Variants in RAPGEF6 observed in about 807,000 individuals in gnomAD.
The protein encoded by RAPGEF6 is PDZ domain containing guanine nucleotide exchange factor (GEF) 2.
Under a neutral mutation model 171.4 loss-of-function variants are expected in RAPGEF6, and 56 were observed. That is an observed-to-expected ratio of 0.33 (90% CI 0.26 to 0.41). The LOEUF is 0.41. Ranked by LOEUF, RAPGEF6 falls within the 10% of genes least tolerant of loss-of-function variation. The pLI is 1.00. For synonymous variants in RAPGEF6, 692 were observed against 650.1 expected, an observed-to-expected ratio of 1.06 and a Z score of -0.98; for missense variants, 1,674 against 1,921.4, an observed-to-expected ratio of 0.87 and a Z score of 2.41.
At chr5:131,446,027 T>C (rs1265279627) in intron 22 of RAPGEF6, among the ~76,000 whole-genome samples, 1 of 152,182 alleles carries the variant, frequency 6.6e-6, no homozygotes, top group African/African-American at 2.4e-5. Flanking sequence ...AGATTACTAA[T>C]ATTGGAATGT....
intron 4 of RAPGEF6, among the ~76,000 whole-genome samples, chr5:131,579,082 G>A (rs1427898121): frequency 6.6e-6 from 1 of 152,112 alleles, no homozygotes; most frequent in Non-Finnish European, 1.5e-5. Flanking sequence ...TGGCGGGTTC[G>A]TGGTCTCGCT....
At chr5:131,522,184 T>A (rs1435902650) in intron 6 of RAPGEF6, among the ~76,000 whole-genome samples, 1 of 152,094 alleles carries the variant, frequency 6.6e-6, no homozygotes, top group Non-Finnish European at 1.5e-5. Flanking sequence ...AAAAAGTAAA[T>A]GACTCCACCA....
chr5:131,524,596 G>A (rs1489802065), intron 6 of RAPGEF6, among the ~76,000 whole-genome samples: 2 of 108,006 alleles, frequency 1.9e-5, no homozygotes, highest in African/African-American at 6.8e-5. Context: ...AGAGGGAGGG[G>A]GGAGAGAGAG....
intron 15 of RAPGEF6, among the ~76,000 whole-genome samples, chr5:131,481,306 G>T (rs1203198143): frequency 6.6e-6 from 1 of 151,762 alleles, no homozygotes; most frequent in Non-Finnish European, 1.5e-5. Flanking sequence ...GCTCACTGCA[G>T]CCTGGACCTC....
At chr5:131,546,558 C>T (rs546779071) in intron 6 of RAPGEF6, among the ~76,000 whole-genome samples, 6 of 151,428 alleles carry the variant, frequency 4.0e-5, no homozygotes, top group South Asian at 2.1e-4. Flanking sequence ...AAGCTGAGAT[C>T]GTGCCACTGC....
chr5:131,441,212 C>T (rs1049063428), intron 23 of RAPGEF6, among the ~76,000 whole-genome samples: 1 of 152,196 alleles, frequency 6.6e-6, no homozygotes, highest in Non-Finnish European at 1.5e-5. Flanking sequence ...CCTTTAGCCT[C>T]TATGCTTCCT....
chr5:131,585,058 T>C (rs1056289929), intron 4 of RAPGEF6, among the ~76,000 whole-genome samples: 1 of 152,048 alleles, frequency 6.6e-6, no homozygotes, highest in Non-Finnish European at 1.5e-5. Context: ...AGGAAAAGTG[T>C]TCAACATCAT....
chr5:131,551,853 C>T (rs1328123499), intron 5 of RAPGEF6, among the ~76,000 whole-genome samples: 1 of 151,924 alleles, frequency 6.6e-6, no homozygotes, highest in Non-Finnish European at 1.5e-5. Flanking sequence ...GAGTTAAATG[C>T]CCTTAACAAA....
intron 4 of RAPGEF6, among the ~76,000 whole-genome samples, chr5:131,572,097 T>C (rs1762335298): frequency 6.6e-6 from 1 of 152,272 alleles, no homozygotes; most frequent in South Asian, 2.1e-4. Context: ...TGAACCCAAG[T>C]GAATAAACAG....
Position 131,431,061 on chromosome 5 carries a change from A to G in RAPGEF6, c.4263T>C (p.Cys1421=), listed in dbSNP as rs1449026797. The G allele has an allele frequency of 1.9e-6, 3 of 1,614,100 alleles. No homozygotes were observed. Among genetic ancestry groups the G allele is most frequent in the East Asian group, 2.2e-5 (1 of 44,898 alleles). ...YSCSKSCSRT[C]GQCKGSLERK... ...TCTCTAGGCTTCCTTTACACTGCCC[A>G]CAAGTTCTAGAGCAGCTTTTAGAAC... Residue 1421 remains cysteine, a synonymous_variant, in exon 26 of 28, where the codon TGT becomes TGC. Transcript: ENST00000509018.
rs1338627907 is a variant in RAPGEF6 at position 131,427,308 on chromosome 5, T to C, written c.4781-17A>G. On this transcript the variant is annotated splice_polypyrimidine_tract_variant and intron_variant, in intron 27 of 27. Transcript: ENST00000509018. ...GTTCATTTTCTGAAAATAAAAAATA[T>C]ATAATTAACTGGCAGATCAGCATAT... 2 of 1,585,836 alleles carry C rather than the reference T, an allele frequency of 1.3e-6. No homozygotes were observed. Among genetic ancestry groups the C allele is most frequent in the East Asian group, 2.2e-5 (1 of 44,726 alleles).
chr5:131,476,462 T>C (rs1561494087), intron 16 of RAPGEF6, among the ~76,000 whole-genome samples: 1 of 152,004 alleles, frequency 6.6e-6, no homozygotes, highest in Non-Finnish European at 1.5e-5. Flanking sequence ...TTTATTTATT[T>C]ATTTATTATT....
Position 131,426,191 on chromosome 5 carries a change from G to C in RAPGEF6, c.*1075C>G, listed in dbSNP as rs563289543. 1 of 152,210 alleles carries C rather than the reference G, an allele frequency of 6.6e-6. No individual in the cohort carries two copies. The highest frequency in any genetic ancestry group is 1.9e-4 in the East Asian group (1 of 5,302). 9.4% of individuals were successfully genotyped at this position (152,210 alleles called of 1,614,324 possible). A position where few individuals can be genotyped will look rare whatever the true frequency, so the allele number is the denominator to read the frequency against. ...TACTGCAGCCAGCTGAGAGCTGCAGGGTATGTCAGGTCAGACACAACCTGG... is the reference window on the plus strand; with the variant it reads ...TACTGCAGCCAGCTGAGAGCTGCAGCGTATGTCAGGTCAGACACAACCTGG... On this transcript the variant is annotated 3_prime_UTR_variant, in exon 28 of 28. Transcript: ENST00000509018.
intron 1 of RAPGEF6, among the ~76,000 whole-genome samples, chr5:131,634,235 T>A (rs947919739): frequency 1.3e-5 from 2 of 152,210 alleles, no homozygotes; most frequent in African/African-American, 4.8e-5. Context: ...AACCTCCAAA[T>A]CAAGGAAAAC....
intron 24 of RAPGEF6, chr5:131,435,791 T>A: frequency 1.5e-6 from 2 of 1,315,768 alleles, no homozygotes; most frequent in Non-Finnish European, 2.0e-6. Context: ...ACTCAATACA[T>A]CAGTAAAATA....
At chr5:131,475,862 C>T (rs1220554382) in intron 16 of RAPGEF6, among the ~76,000 whole-genome samples, 2 of 152,204 alleles carry the variant, frequency 1.3e-5, no homozygotes, top group African/African-American at 4.8e-5. Context: ...AACTCATCCT[C>T]TACTCTTACA....
intron 16 of RAPGEF6, among the ~76,000 whole-genome samples, chr5:131,474,887 T>C (rs1001088507): frequency 1.3e-5 from 2 of 152,008 alleles, no homozygotes; most frequent in African/African-American, 2.4e-5. Context: ...ATTAAAGAGG[T>C]TGTCCAGTCC....
chr5:131,429,272 G>C, intron 26 of RAPGEF6, 56 bp from the exon 27 acceptor site: 8 of 1,355,466 alleles, frequency 5.9e-6, no homozygotes. Flanking sequence ...GAAAAAAAAA[G>C]AAACCACCCC....
intron 1 of RAPGEF6, among the ~76,000 whole-genome samples, chr5:131,609,578 CAT>C (rs1398397943): frequency 1.3e-5 from 2 of 152,212 alleles, no homozygotes; most frequent in Non-Finnish European, 1.5e-5. Flanking sequence ...AGAGGCTACA[CAT>C]GTGTCCAACA....
Sources: gnomAD v4.1 joint callset for allele counts (sites outside exome capture counted in the v4.1 genomes callset) on GRCh38, gnomAD v4.1.1 for gene constraint, MANE v1.5 for transcripts, NCBI Gene and HGNC (gene_info 2026-07-23, HGNC 2026-07-21) for gene names.